CAMTA1: variants seen among roughly 807,000 people sequenced by gnomAD.
CAMTA1 encodes calmodulin-binding transcription activator 1.
A neutral mutation model predicts 170.9 loss-of-function variants in CAMTA1; 27 were observed. The ratio of observed to expected loss-of-function variants is 0.16; its 90% CI spans 0.12 to 0.22. The LOEUF is 0.22. Among genes scored for constraint, CAMTA1 ranks in the 10% least tolerant of loss-of-function variants. CAMTA1 has a pLI of 1.00. For synonymous variants in CAMTA1, 833 were observed against 891.5 expected (o/e 0.93, Z 1.17); for missense variants, 1,619 against 2,217.2 (o/e 0.73, Z 5.42).
At chr1:6,869,733 T>A (rs1254838179) in intron 3 of CAMTA1, among the ~76,000 whole-genome samples, 3 of 152,186 alleles carry the variant, frequency 2.0e-5, no homozygotes, top group Non-Finnish European at 4.4e-5. Flanking sequence ...AGCCATTTTG[T>A]CAGAACCACT....
intron 11 of CAMTA1, among the ~76,000 whole-genome samples, chr1:7,710,633 ACT>A (rs2096563424): frequency 6.7e-6 from 1 of 148,192 alleles, no homozygotes; most frequent in Non-Finnish European, 1.5e-5. Flanking sequence ...GAATTTATTG[ACT>A]CTTAGGAAGT....
At position 7,333,272 on chromosome 1, in the gene CAMTA1, G is replaced by A. The variant is rs1379858194; in HGVS notation, c.438+83646G>A. Among the ~76,000 whole-genome samples, 1 of 152,176 alleles carries A rather than the reference G, an allele frequency of 6.6e-6. No homozygotes were observed. Among genetic ancestry groups the A allele is most frequent in the Non-Finnish European group, 1.5e-5 (1 of 68,030 alleles). The stretch of plus-strand genomic sequence containing the variant: ...GATTATGAGCTTCCCTGTCGAGGTT[G>A]GGCTCTGCAAGCTTTGGCAATTGAC... On this transcript the variant is annotated intron_variant, in intron 5 of 22. Transcript: ENST00000303635. This position sits in a 1 kb window ranked among gnomAD's most constrained non-coding sequence, Gnocchi z 4.4.
intron 1 of CAMTA1, among the ~76,000 whole-genome samples, chr1:6,809,218 G>C (rs1030901645): frequency 1.3e-5 from 2 of 151,922 alleles, no homozygotes; most frequent in African/African-American, 4.8e-5. Context: ...GTAGAGACGG[G>C]GTTTCACCAT....
Position 7,647,280 on chromosome 1 carries a change from G to GA in CAMTA1, c.664+6727_664+6728insA, listed in dbSNP as rs1300407328. On this transcript the variant is annotated intron_variant, in intron 7 of 22. Transcript: ENST00000303635. The stretch of plus-strand genomic sequence containing the variant: ...CAGACAAAGACCAAAGATCCAGAAG[G>GA]GGGGGGGGCTGTGTTTATTTGTTTT... Among the ~76,000 whole-genome samples, 3 of 141,276 alleles carry GA rather than the reference G, an allele frequency of 2.1e-5. No individual in the cohort carries two copies. The South Asian group carries it at 6.3e-4, about 30-fold the overall frequency. 92.7% of individuals were successfully genotyped at this position (141,276 alleles called of 152,430 possible). A position where few individuals can be genotyped will look rare whatever the true frequency, so the allele number is the denominator to read the frequency against.
chr1:7,672,864 C>T (rs531081426), intron 10 of CAMTA1, among the ~76,000 whole-genome samples: 12 of 152,228 alleles, frequency 7.9e-5, no homozygotes, highest in Middle Eastern at 3.4e-3. Flanking sequence ...GCCCACCCCA[C>T]CCCCTGCTGG....
intron 3 of CAMTA1, among the ~76,000 whole-genome samples, chr1:6,936,922 A>T (rs1160525816): frequency 6.6e-6 from 1 of 152,054 alleles, no homozygotes; most frequent in Non-Finnish European, 1.5e-5. Context: ...CGAGAGGTGG[A>T]GCTTGCAGTG....
chr1:7,622,341 G>A (rs891596614), intron 6 of CAMTA1, among the ~76,000 whole-genome samples: 14 of 152,224 alleles, frequency 9.2e-5, no homozygotes, highest in African/African-American at 2.2e-4. Flanking sequence ...GGTGAAATTT[G>A]ATCTAACTTC....
At chr1:7,036,980 G>T (rs934730042) in intron 3 of CAMTA1, among the ~76,000 whole-genome samples, 1 of 152,206 alleles carries the variant, frequency 6.6e-6, no homozygotes. Context: ...ACTACAGCCT[G>T]CTATAGGAAG....
At chr1:7,053,462 G>A (rs1341626671) in intron 3 of CAMTA1, among the ~76,000 whole-genome samples, 3 of 152,144 alleles carry the variant, frequency 2.0e-5, no homozygotes, top group South Asian at 2.1e-4. Context: ...CCTTCTCCAC[G>A]TGGCCACCCA....
chr1:7,079,551 A>C (rs979915100), intron 3 of CAMTA1, among the ~76,000 whole-genome samples: 1 of 152,020 alleles, frequency 6.6e-6, no homozygotes, highest in Non-Finnish European at 1.5e-5. Flanking sequence ...GGCTCACTGC[A>C]ACCTCCACCT....
intron 3 of CAMTA1, among the ~76,000 whole-genome samples, chr1:6,928,192 C>T (rs559519729): frequency 2.0e-5 from 3 of 152,328 alleles, no homozygotes; most frequent in Non-Finnish European, 2.9e-5. Context: ...CTTAACAGAG[C>T]GCTTTCAAGT....
chr1:7,647,471 T>TC (rs1421476257), intron 7 of CAMTA1, among the ~76,000 whole-genome samples: 2 of 152,044 alleles, frequency 1.3e-5, no homozygotes, highest in African/African-American at 4.8e-5. Context: ...GAAGCCTGAC[T>TC]CCCCGGTCCA....
At chr1:7,274,650 C>T (rs930165803) in intron 5 of CAMTA1, among the ~76,000 whole-genome samples, 4 of 152,146 alleles carry the variant, frequency 2.6e-5, no homozygotes, top group African/African-American at 9.7e-5. Flanking sequence ...TTTTCTTACA[C>T]ATAGAACATT....
intron 4 of CAMTA1, among the ~76,000 whole-genome samples, chr1:7,091,823 A>G (rs1641505667): frequency 6.6e-6 from 1 of 152,246 alleles, no homozygotes; most frequent in South Asian, 2.1e-4. Context: ...ATCAGAAGCA[A>G]TGGCTAAGCT....
intron 5 of CAMTA1, among the ~76,000 whole-genome samples, chr1:7,278,975 G>A (rs1305057247): frequency 6.6e-6 from 1 of 152,170 alleles, no homozygotes; most frequent in Non-Finnish European, 1.5e-5. Context: ...GCCAGTTAAT[G>A]GGGCTGGGGA....
At chr1:7,161,399 G>A (rs1437935930) in intron 4 of CAMTA1, among the ~76,000 whole-genome samples, 1 of 152,124 alleles carries the variant, frequency 6.6e-6, no homozygotes, top group Non-Finnish European at 1.5e-5. Flanking sequence ...AATCTCCATT[G>A]AGGGCTGATA....
chr1:7,140,794 G>A (rs548502872), intron 4 of CAMTA1, among the ~76,000 whole-genome samples: 118 of 152,208 alleles, frequency 7.8e-4, no homozygotes, highest in African/African-American at 2.7e-3. Flanking sequence ...CAGATGTACC[G>A]GTATGTTAAA....
intron 5 of CAMTA1, among the ~76,000 whole-genome samples, chr1:7,387,822 G>A (rs753708209): frequency 6.6e-6 from 1 of 152,214 alleles, no homozygotes; most frequent in Non-Finnish European, 1.5e-5. Flanking sequence ...AGCAAGATCT[G>A]TCTTCTTGCC....
Position 7,685,243 on chromosome 1 carries a change from C to T in CAMTA1, c.2914+7510C>T, listed in dbSNP as rs546396784. Among the ~76,000 whole-genome samples, 3 of 152,202 alleles carry T rather than the reference C, an allele frequency of 2.0e-5. No homozygotes were observed. Among genetic ancestry groups the T allele is most frequent in the South Asian group, 4.1e-4 (2 of 4,832 alleles). On this transcript the variant is annotated intron_variant, in intron 11 of 22. Coordinates refer to ENST00000303635, the MANE Select transcript of CAMTA1 (RefSeq NM_015215.4). The surrounding 1 kb of genome is among the most constrained non-coding windows in gnomAD (Gnocchi z 5.7). Reference sequence around the variant, plus strand: ...GTTTATTGAGCATTTACTATATACACAGCAATACGTATTTAGGGAAGGATG... The same window carrying T: ...GTTTATTGAGCATTTACTATATACATAGCAATACGTATTTAGGGAAGGATG...
Sources: gnomAD v4.1 joint callset for allele counts (sites outside exome capture counted in the v4.1 genomes callset) on GRCh38, gnomAD v4.1.1 for gene constraint, Gnocchi (gnomAD v3.1) non-coding constraint, MANE v1.5 for transcripts, NCBI Gene and HGNC (gene_info 2026-07-23, HGNC 2026-07-21) for gene names.